Variants in OSBPL5 observed in about 807,000 individuals in gnomAD.
OSBPL5 encodes oxysterol binding protein like 5.
OSBPL5 carries 71 observed loss-of-function variants against 111.2 expected under a neutral mutation model. That is an observed-to-expected ratio of 0.64 (90% CI 0.53 to 0.78). The LOEUF is 0.78. Among genes scored for constraint, OSBPL5 ranks in the 30% least tolerant of loss-of-function variants. The probability of loss-of-function intolerance (pLI) is 0.00; values close to 1 mark genes in which losing one functional copy is unlikely to be tolerated. For synonymous variants in OSBPL5, 549 were observed against 513.9 expected (o/e 1.07, Z -0.93); for missense variants, 1,210 against 1,189.3 (o/e 1.02, Z -0.26).
At chr11:3,147,736 G>A (rs1318828615) in intron 1 of OSBPL5, among the ~76,000 whole-genome samples, 5 of 152,354 alleles carry the variant, frequency 3.3e-5, no homozygotes, top group East Asian at 1.9e-4. Flanking sequence ...AGGGACGCGT[G>A]GGTGCGTCGG....
rs756654155 is a variant in OSBPL5, at chr11:3,100,260, C to G, written c.1523-4G>C. 94 of 1,613,592 alleles carry G rather than the reference C, an allele frequency of 5.8e-5. No individual in the cohort carries two copies. The highest frequency in any genetic ancestry group is 6.0e-5 in the Non-Finnish European group (71 of 1,179,840). On this transcript the variant is annotated splice_region_variant and splice_polypyrimidine_tract_variant and intron_variant, in intron 13 of 21. Coordinates refer to ENST00000263650, the MANE Select transcript of OSBPL5 (RefSeq NM_020896.4). Reference sequence around the variant, plus strand: ...AGCAGCGCCGACAGCGAGTTCCCTGCAGAGACAAGAGACAGCAGGACCAGT... The same window carrying G: ...AGCAGCGCCGACAGCGAGTTCCCTGGAGAGACAAGAGACAGCAGGACCAGT...
At chr11:3,150,268 G>A (rs1437318116) in intron 1 of OSBPL5, among the ~76,000 whole-genome samples, 5 of 152,032 alleles carry the variant, frequency 3.3e-5, no homozygotes, top group Admixed American at 1.3e-4. Flanking sequence ...GGGAGCAGAC[G>A]GTGCTTTTCT....
Position 3,130,844 on chromosome 11 carries a change from C to G in OSBPL5, c.-21-1675G>C, listed in dbSNP as rs904445092. 6.6e-6 allele frequency among the ~76,000 whole-genome samples: 1 copy of G among 152,174 alleles called. No homozygotes were observed. Among genetic ancestry groups the G allele is most frequent in the African/African-American group, 2.4e-5 (1 of 41,442 alleles). Reference sequence around the variant, plus strand: ...CCCTACTTGTCAATCACAACAAACACGTCCTACTTGCCCAGGTGCAGCTCA... The same window carrying G: ...CCCTACTTGTCAATCACAACAAACAGGTCCTACTTGCCCAGGTGCAGCTCA... On this transcript the variant is annotated intron_variant, in intron 1 of 21. Coordinates refer to ENST00000263650, the MANE Select transcript of OSBPL5 (RefSeq NM_020896.4). The surrounding 1 kb of genome is among the most constrained non-coding windows in gnomAD (Gnocchi z 4.5).
At chr11:3,093,099 C>T in intron 17 of OSBPL5, 47 bp from the exon 18 acceptor site, 1 of 1,455,190 alleles carries the variant, frequency 6.9e-7, no homozygotes, top group Non-Finnish European at 9.1e-7. Context: ...GGCAGCCCGA[C>T]CCCTAGGCAG....
rs1858626659 is a variant in OSBPL5, at chr11:3,126,390, C to A, written c.219+83G>T. 8 of 1,266,872 alleles carry A rather than the reference C, an allele frequency of 6.3e-6. No homozygotes were observed. The East Asian group carries it at 2.2e-4, about 34-fold the overall frequency. The allele number at this position is 1,266,872 out of a possible 1,614,324, so 78.5% of individuals were successfully genotyped here. A position where few individuals can be genotyped will look rare whatever the true frequency, so the allele number is the denominator to read the frequency against. ...GGAATGGCAGGCTCAGCTGGACGCCCTGCTGTCCTTTTCCCCAGCCGTTTC... is the reference window on the plus strand; with the variant it reads ...GGAATGGCAGGCTCAGCTGGACGCCATGCTGTCCTTTTCCCCAGCCGTTTC... On this transcript the variant is annotated intron_variant, in intron 3 of 21. Transcript: ENST00000263650. The surrounding 1 kb of genome is among the most constrained non-coding windows in gnomAD (Gnocchi z 6.5).
At chr11:3,118,086 G>A (rs1366050938) in intron 7 of OSBPL5, among the ~76,000 whole-genome samples, 1 of 152,188 alleles carries the variant, frequency 6.6e-6, no homozygotes, top group Non-Finnish European at 1.5e-5. Flanking sequence ...CTAGCCATGA[G>A]AGATCAGGTG....
Position 3,093,676 on chromosome 11 carries a change from GCCAGCGGGGTCAGAGGCTGGC to G in OSBPL5, c.1810-34_1810-14del, listed in dbSNP as rs747982176. On this transcript the variant is annotated splice_polypyrimidine_tract_variant and intron_variant, in intron 16 of 21. Transcript: ENST00000263650. The stretch of plus-strand genomic sequence containing the variant: ...ACACGTCCCTGTCCTGCCCCAGATG[GCCAGCGGGGTCAGAGGCTGGC>G]CTGGCGTTGACCGCCCGGCCGTGCC... 6.2e-7 allele frequency: 1 copy of G among 1,613,190 alleles called. No homozygotes were observed.
Position 3,121,340 on chromosome 11 carries a change from G to A in OSBPL5, c.402+657C>T, listed in dbSNP as rs768006533. Among the ~76,000 whole-genome samples the A allele has an allele frequency of 3.9e-5, 6 of 152,162 alleles. No homozygotes were observed. Among genetic ancestry groups the A allele is most frequent in the Non-Finnish European group, 5.9e-5 (4 of 68,036 alleles). ...CCCAAAGTGTTGGGATTACAGGTGT[G>A]AGCCACTGCACCCGGCCTGGCAGCT... On this transcript the variant is annotated intron_variant, in intron 5 of 21. Coordinates refer to ENST00000263650, the MANE Select transcript of OSBPL5 (RefSeq NM_020896.4). This position sits in a 1 kb window ranked among gnomAD's most constrained non-coding sequence, Gnocchi z 4.3.
intron 14 of OSBPL5, 162 bp from the exon 15 acceptor site, chr11:3,094,496 G>T: frequency 1.6e-6 from 1 of 611,432 alleles, no homozygotes; most frequent in South Asian, 1.9e-5. Flanking sequence ...AGGACAGGAG[G>T]CGCTGGGAGC....
chr11:3,130,594 C>T lies in OSBPL5; in HGVS notation c.-21-1425G>A, dbSNP rs1403220563. 6.6e-6 allele frequency among the ~76,000 whole-genome samples: 1 copy of T among 152,252 alleles called. No homozygotes were observed. Among genetic ancestry groups the T allele is most frequent in the Non-Finnish European group, 1.5e-5 (1 of 68,038 alleles). On this transcript the variant is annotated intron_variant, in intron 1 of 21. Transcript: ENST00000263650. The surrounding 1 kb of genome is among the most constrained non-coding windows in gnomAD (Gnocchi z 4.5). ...CAGGCTGGGCCAGCCCCTCCCTCAC[C>T]TGGCCCCTGGCTCGGCTCATGACCT...
chr11:3,122,557 G>T, intron 3 of OSBPL5, 129 bp from the exon 4 acceptor site: 1 of 758,034 alleles, frequency 1.3e-6, no homozygotes, highest in Non-Finnish European at 2.1e-6. Context: ...TTTCCCGCCT[G>T]GCACCCTCCA....
Position 3,141,147 on chromosome 11 carries a change from G to A in OSBPL5, c.-21-11978C>T, listed in dbSNP as rs897814171. 6.6e-6 allele frequency among the ~76,000 whole-genome samples: 1 copy of A among 152,220 alleles called. No individual in the cohort carries two copies. Among genetic ancestry groups the A allele is most frequent in the Middle Eastern group, 3.4e-3 (1 of 292 alleles). The stretch of plus-strand genomic sequence containing the variant: ...ATAAAGCCTCATTCCAGGCAGTTTC[G>A]AGTGCTCTGATGCTGACAGCCACCC... On this transcript the variant is annotated intron_variant, in intron 1 of 21. Transcript: ENST00000263650. This position sits in a 1 kb window ranked among gnomAD's most constrained non-coding sequence, Gnocchi z 6.5.
chr11:3,100,830 A>C (rs958481412), intron 13 of OSBPL5, among the ~76,000 whole-genome samples: 4 of 152,156 alleles, frequency 2.6e-5, no homozygotes, highest in Admixed American at 1.3e-4. Context: ...CTGAGCACCC[A>C]AGTCTGCCAG....
chr11:3,091,548 G>T (rs958475473), intron 19 of OSBPL5, among the ~76,000 whole-genome samples: 1 of 152,106 alleles, frequency 6.6e-6, no homozygotes, highest in African/African-American at 2.4e-5. Flanking sequence ...GCTGGAGATT[G>T]GTGGGGAGAG....
chr11:3,088,578 G>A (rs1371934887), intron 21 of OSBPL5, among the ~76,000 whole-genome samples: 2 of 152,096 alleles, frequency 1.3e-5, no homozygotes, highest in East Asian at 3.9e-4. Context: ...GGCAGAGGAG[G>A]GTCAGGGATT....
At chr11:3,159,149 C>A (rs1286990606) in intron 1 of OSBPL5, among the ~76,000 whole-genome samples, 4 of 152,158 alleles carry the variant, frequency 2.6e-5, no homozygotes, top group African/African-American at 9.7e-5. Context: ...CGAGAGTGTG[C>A]ACGCACCCTG....
At chr11:3,157,051 C>T (rs1021072797) in intron 1 of OSBPL5, among the ~76,000 whole-genome samples, 2 of 152,258 alleles carry the variant, frequency 1.3e-5, no homozygotes, top group African/African-American at 2.4e-5. Flanking sequence ...CCAGTTCGCA[C>T]AGGTCAGAAC....
intron 1 of OSBPL5, 36 bp from the exon 2 acceptor site, chr11:3,129,205 CG>C (rs1263753331): frequency 3.7e-6 from 5 of 1,358,546 alleles, no homozygotes; most frequent in Non-Finnish European, 4.8e-6. Flanking sequence ...AGGAGGTCAC[CG>C]CCCCGGAAGG....
intron 14 of OSBPL5, among the ~76,000 whole-genome samples, chr11:3,095,111 C>A (rs1299877954): frequency 6.6e-6 from 1 of 151,834 alleles, no homozygotes; most frequent in Non-Finnish European, 1.5e-5. Context: ...CCAGAGGGGG[C>A]TGTGTGAGTG....
Sources: allele counts gnomAD v4.1 joint callset (sites outside exome capture counted in the v4.1 genomes callset), GRCh38; gene constraint gnomAD v4.1.1; non-coding constraint Gnocchi (gnomAD v3.1); transcripts MANE v1.5; gene names NCBI Gene and HGNC (gene_info 2026-07-23, HGNC 2026-07-21).